Variants in MSR1 observed in about 807,000 individuals in gnomAD.
The protein encoded by MSR1 is macrophage scavenger receptor 1.
MSR1 carries 53 observed loss-of-function variants against 47.2 expected under a neutral mutation model. That is an observed-to-expected ratio of 1.12 (90% confidence interval 0.90 to 1.41). The LOEUF (loss-of-function observed/expected upper bound fraction) is 1.41. MSR1 is among the 40% of genes most tolerant of loss of function. MSR1 has a pLI of 0.00. For synonymous variants in MSR1, 239 were observed against 185.6 expected, an observed-to-expected ratio of 1.29 and a Z score of -2.34; for missense variants, 786 against 546.9, an observed-to-expected ratio of 1.44 and a Z score of -4.36.
chr8:16,144,144 A>G (rs2117116327), intron 7 of MSR1, among the ~76,000 whole-genome samples: 1 of 152,210 alleles, frequency 6.6e-6, no homozygotes, highest in South Asian at 2.1e-4. Flanking sequence ...TTTGGTTTTG[A>G]GAAACCTCAC....
chr8:16,152,463 C>G (rs1017943117), intron 6 of MSR1, among the ~76,000 whole-genome samples: 1 of 152,180 alleles, frequency 6.6e-6, no homozygotes, highest in East Asian at 1.9e-4. Context: ...GCTTTATTTT[C>G]TCTTCTGGAA....
chr8:16,175,851 G>C (rs1320932475), intron 2 of MSR1, among the ~76,000 whole-genome samples: 1 of 152,080 alleles, frequency 6.6e-6, no homozygotes, highest in Admixed American at 6.5e-5. Flanking sequence ...GAAATAAAGT[G>C]ATTCACATTT....
intron 8 of MSR1, among the ~76,000 whole-genome samples, chr8:16,124,419 C>G (rs145822491): frequency 2.4e-3 from 369 of 152,296 alleles, no homozygotes; most frequent in African/African-American, 8.5e-3. Flanking sequence ...ATACTCTTGT[C>G]AAGTGACTTG....
chr8:16,112,246 T>G lies in MSR1; in HGVS notation c.1223-2028A>C, dbSNP rs563972058. Among the ~76,000 whole-genome samples the G allele has an allele frequency of 1.8e-4, 27 of 152,328 alleles. No homozygotes were observed. The South Asian group carries it at 5.2e-3, about 29-fold the overall frequency. On this transcript the variant is annotated intron_variant, in intron 9 of 9. Coordinates refer to ENST00000262101, the MANE Select transcript of MSR1 (RefSeq NM_138715.3). ...ATTTTTTAAGTGCTTGTGTATAAGGTAATATGCTAGGTCTTTTCACATACA... is the reference window on the plus strand; with the variant it reads ...ATTTTTTAAGTGCTTGTGTATAAGGGAATATGCTAGGTCTTTTCACATACA...
intron 2 of MSR1, among the ~76,000 whole-genome samples, 182 bp downstream of exon 2, chr8:16,177,704 A>G (rs1425765573): frequency 6.6e-6 from 1 of 152,172 alleles, no homozygotes; most frequent in Admixed American, 6.6e-5. Context: ...TTAATTTCAT[A>G]TAATACTGCC....
chr8:16,183,495 TATAA>T (rs1484531423), intron 1 of MSR1, among the ~76,000 whole-genome samples: 5 of 147,602 alleles, frequency 3.4e-5, no homozygotes, highest in Non-Finnish European at 7.4e-5. Flanking sequence ...ACTATATAGA[TATAA>T]ATATTCATTA....
Position 16,109,738 on chromosome 8 carries a change from T to C in MSR1, c.*347A>G, listed in dbSNP as rs1305160374. The C allele has an allele frequency of 1.3e-5, 3 of 236,870 alleles. No individual in the cohort carries two copies. Among genetic ancestry groups the C allele is most frequent in the Non-Finnish European group, 2.5e-5 (3 of 120,314 alleles). The allele number at this position is 236,870 out of a possible 1,614,324, so 14.7% of individuals were successfully genotyped here. On this transcript the variant is annotated 3_prime_UTR_variant, in exon 10 of 10. Coordinates refer to ENST00000262101, the MANE Select transcript of MSR1 (RefSeq NM_138715.3). Reference sequence around the variant, plus strand: ...CAAAGACAAGAAGAGCAAAAAATTGTAATCTCCTGGTGAACATATTATGAA... The same window carrying C: ...CAAAGACAAGAAGAGCAAAAAATTGCAATCTCCTGGTGAACATATTATGAA...
chr8:16,170,358 A>C (rs1348757629), intron 3 of MSR1, among the ~76,000 whole-genome samples: 1 of 152,070 alleles, frequency 6.6e-6, no homozygotes, highest in Non-Finnish European at 1.5e-5. Flanking sequence ...AAAAAAAAAA[A>C]AACAAAACAT....
At chr8:16,119,673 A>T (rs1167956697) in intron 9 of MSR1, among the ~76,000 whole-genome samples, 1 of 152,000 alleles carries the variant, frequency 6.6e-6, no homozygotes, top group Admixed American at 6.6e-5. Context: ...TCTTCTAGGC[A>T]TTTGAGAAGT....
chr8:16,132,464 T>G (rs766966366), intron 8 of MSR1, among the ~76,000 whole-genome samples: 9 of 152,068 alleles, frequency 5.9e-5, no homozygotes, highest in Non-Finnish European at 1.2e-4. Context: ...TCTTTCTATT[T>G]TGATACTGTG....
chr8:16,139,474 G>A, intron 8 of MSR1: 10 of 982,478 alleles, frequency 1.0e-5, no homozygotes, highest in Non-Finnish European at 1.2e-5. Flanking sequence ...ACCATCTAGA[G>A]TTCTACTAGA....
chr8:16,139,274 G>C (rs1397664214), intron 8 of MSR1: 1 of 984,430 alleles, frequency 1.0e-6, no homozygotes, highest in African/African-American at 1.7e-5. Context: ...ATACCAGCGG[G>C]GAAAAGCTAT....
intron 4 of MSR1, among the ~76,000 whole-genome samples, chr8:16,165,204 G>A (rs1385616900): frequency 6.6e-6 from 1 of 151,940 alleles, no homozygotes; most frequent in African/African-American, 2.4e-5. Context: ...TTCAACCATT[G>A]CCGTACTACT....
At chr8:16,129,252 A>G (rs1800199512) in intron 8 of MSR1, among the ~76,000 whole-genome samples, 1 of 152,246 alleles carries the variant, frequency 6.6e-6, no homozygotes, top group South Asian at 2.1e-4. Flanking sequence ...ATTCCTTTAT[A>G]TAGGTCCCTA....
At chr8:16,190,540 G>C (rs1460127603) in intron 1 of MSR1, among the ~76,000 whole-genome samples, 2 of 151,758 alleles carry the variant, frequency 1.3e-5, no homozygotes, top group African/African-American at 4.8e-5. Flanking sequence ...TGTTCTTCTT[G>C]GGTTATTATC....
At chr8:16,165,976 G>A (rs1025968524) in intron 4 of MSR1, among the ~76,000 whole-genome samples, 13 of 151,998 alleles carry the variant, frequency 8.6e-5, no homozygotes, top group Middle Eastern at 3.2e-3. Flanking sequence ...ATGGATGTTT[G>A]TAGGGCACAC....
chr8:16,140,215 G>A (rs1003149770), intron 8 of MSR1: 38 of 984,404 alleles, frequency 3.9e-5, no homozygotes, highest in Non-Finnish European at 4.5e-5. Flanking sequence ...ATTAAATTGT[G>A]TTCTAGACTC....
At chr8:16,127,765 T>C (rs552782210) in intron 8 of MSR1, among the ~76,000 whole-genome samples, 1 of 152,322 alleles carries the variant, frequency 6.6e-6, no homozygotes, top group African/African-American at 2.4e-5. Context: ...TGAAGCCATC[T>C]GTGGGAATTG....
intron 8 of MSR1, among the ~76,000 whole-genome samples, chr8:16,134,646 G>A (rs1464280841): frequency 6.6e-6 from 1 of 152,130 alleles, no homozygotes; most frequent in Non-Finnish European, 1.5e-5. Flanking sequence ...GAAAGGAAGA[G>A]TGGCACATCT....
Sources: allele counts gnomAD v4.1 joint callset (sites outside exome capture counted in the v4.1 genomes callset), GRCh38; gene constraint gnomAD v4.1.1; transcripts MANE v1.5; gene names NCBI Gene and HGNC (gene_info 2026-07-23, HGNC 2026-07-21).